CAPN15: variants seen among roughly 807,000 people sequenced by gnomAD.
CAPN15 encodes the protein calpain 15.
In CAPN15, 53 loss-of-function variants were observed where a neutral mutation model predicts 97.9. The observed-to-expected ratio is 0.54, with a 90% CI of 0.43 to 0.68. CAPN15 has a LOEUF of 0.68. CAPN15 is among the 30% of genes least tolerant of loss of function. The pLI, the probability that CAPN15 is intolerant of heterozygous loss-of-function variation, is 0.00. For missense variants in CAPN15, 1,592 were observed against 1,589.8 expected, an observed-to-expected ratio of 1.00 and a Z score of -0.02; for synonymous variants, 922 against 722.5, an observed-to-expected ratio of 1.28 and a Z score of -4.43.
intron 3 of CAPN15, among the ~76,000 whole-genome samples, chr16:543,907 G>A (rs1488441086): frequency 6.6e-6 from 1 of 152,200 alleles, no homozygotes; most frequent in African/African-American, 2.4e-5. Context: ...GTGGCCCCAT[G>A]ACCGCTCCCC....
rs1567155475 is a variant in CAPN15, at chr16:549,749, G to A, written c.1977G>A (p.Leu659=). Residue 659 remains leucine, a synonymous_variant, in exon 7 of 14, where the codon CTG becomes CTA. Transcript: ENST00000219611. ...TCACCGGCGCCCCCTGTGAGAGCCT[G>A]GCGCTGCAGCTCAGCTCCACTAACC... ...ATLTGAPCES[L]ALQLSSTNPR... 6.3e-6 allele frequency: 10 copies of A among 1,588,864 alleles called. No homozygotes were observed. Among genetic ancestry groups the A allele is most frequent in the Non-Finnish European group, 8.6e-6 (10 of 1,168,130 alleles).
intron 1 of CAPN15, chr16:528,643 C>T (rs1258675359): frequency 2.4e-6 from 2 of 834,208 alleles, no homozygotes; most frequent in African/African-American, 3.7e-5. Context: ...CGGGGGAACT[C>T]TTGTGTGGTC....
rs1337270856 is a variant in CAPN15, at chr16:553,493, C to T, written c.3238C>T (p.Leu1080=). The T allele has an allele frequency of 5.6e-6, 9 of 1,609,826 alleles. No homozygotes were observed. Among genetic ancestry groups the T allele is most frequent in the Non-Finnish European group, 7.6e-6 (9 of 1,178,456 alleles). ...CCCACTCACGCCAGAGGTCGCCGGT[C>T]TGCATGGGCCCCGACCGCTGTGACC... is the stretch of plus-strand genomic sequence containing the variant. The part of the protein sequence containing the change: ...SPPLTPEVAG[L]HGPRPL The change falls in exon 14 of 14, where the codon CTG becomes TTG. Residue 1080 remains leucine, a synonymous_variant. Coordinates refer to ENST00000219611, the MANE Select transcript of CAPN15 (RefSeq NM_005632.3).
At chr16:534,231 CA>C (rs1346510097) in intron 2 of CAPN15, among the ~76,000 whole-genome samples, 9 of 147,900 alleles carry the variant, frequency 6.1e-5, no homozygotes, top group African/African-American at 1.9e-4. Context: ...GGGGTCCCGA[CA>C]GGGGTGTTTG....
chr16:551,960 T>C (rs2035117302), intron 9 of CAPN15, 91 bp from the exon 10 acceptor site: 11 of 1,371,918 alleles, frequency 8.0e-6, no homozygotes, highest in Non-Finnish European at 1.0e-5. Flanking sequence ...TGGCACCTGC[T>C]GGGGTCACCG....
In CAPN15 at chr16:553,360, C is replaced by G; in HGVS notation, c.3105C>G (p.Ser1035=). The part of the protein sequence containing the change: ...PLHRQVLVIL[S]QLEGNAGFSI... ...CCAGGCAGGTCCTGGTGATCTTGTC[C>G]CAGCTAGAGGGCAACGCCGGCTTCT... Residue 1035 remains serine, a synonymous_variant, in exon 14 of 14, where the codon TCC becomes TCG. Transcript: ENST00000219611. The G allele has an allele frequency of 6.2e-7, 1 of 1,607,184 alleles. No homozygotes were observed. Among genetic ancestry groups the G allele is most frequent in the Admixed American group, 1.7e-5 (1 of 59,576 alleles).
At chr16:532,100 T>C (rs1172079932) in intron 1 of CAPN15, among the ~76,000 whole-genome samples, 2 of 147,316 alleles carry the variant, frequency 1.4e-5, no homozygotes, top group African/African-American at 2.5e-5. Context: ...ATTAGCTGGG[T>C]GTGGTGGTGT....
At chr16:532,189 G>A (rs1408018810) in intron 1 of CAPN15, among the ~76,000 whole-genome samples, 4 of 150,586 alleles carry the variant, frequency 2.7e-5, no homozygotes, top group Admixed American at 6.6e-5. Context: ...GCAGTTAGCC[G>A]GGATGGCACC....
At chr16:532,373 A>T (rs1178167705) in intron 1 of CAPN15, among the ~76,000 whole-genome samples, 1 of 142,516 alleles carries the variant, frequency 7.0e-6, no homozygotes, top group African/African-American at 2.6e-5. Context: ...GGCCAACGTG[A>T]CGAAACCCCC....
intron 1 of CAPN15, among the ~76,000 whole-genome samples, chr16:529,644 C>T (rs1364380213): frequency 6.6e-6 from 1 of 152,058 alleles, no homozygotes; most frequent in African/African-American, 2.4e-5. Flanking sequence ...GGCCGAGTTG[C>T]CCCTGGTCCA....
Position 554,418 on chromosome 16 carries a change from G to A in CAPN15, c.*902G>A. Reference sequence around the variant, plus strand: ...CCCACTCCCCCTCCTACCCCGGCAGGGGCTTCCGGGGCCTTTTCACCTGGA... The same window carrying A: ...CCCACTCCCCCTCCTACCCCGGCAGAGGCTTCCGGGGCCTTTTCACCTGGA... On this transcript the variant is annotated 3_prime_UTR_variant, in exon 14 of 14. Coordinates refer to ENST00000219611, the MANE Select transcript of CAPN15 (RefSeq NM_005632.3). The A allele has an allele frequency of 2.3e-6, 1 of 436,446 alleles. No homozygotes were observed. Among genetic ancestry groups the A allele is most frequent in the Non-Finnish European group, 4.6e-6 (1 of 216,498 alleles). 27.0% of individuals were successfully genotyped at this position (436,446 alleles called of 1,614,324 possible). A position where few individuals can be genotyped will look rare whatever the true frequency, so the allele number is the denominator to read the frequency against.
Position 550,756 on chromosome 16 carries a change from G to C in CAPN15, c.2067-546G>C, listed in dbSNP as rs1173357738. On this transcript the variant is annotated intron_variant, in intron 7 of 13. Transcript: ENST00000219611. ...CCCGTCGGTGAGGGTCCCGGTCGGT[G>C]AGGGTCCCCTGCCGGTGAGGGTCCC... is the stretch of plus-strand genomic sequence containing the variant. Among the ~76,000 whole-genome samples the C allele has an allele frequency of 6.0e-4, 81 of 135,776 alleles. 7 individuals carry two copies. The highest frequency in any genetic ancestry group is 2.3e-3 in the African/African-American group (78 of 34,508). 89.1% of individuals were successfully genotyped at this position (135,776 alleles called of 152,430 possible).
chr16:549,968 C>T (rs750807811), intron 7 of CAPN15, 130 bp downstream of exon 7: 26 of 732,512 alleles, frequency 3.5e-5, no homozygotes, highest in South Asian at 5.5e-5. Flanking sequence ...GGGCTGACCC[C>T]GCGTGGCCAG....
At position 549,615 on chromosome 16, in the gene CAPN15, G is replaced by T. The variant is rs1228386819; in HGVS notation, c.1843G>T (p.Ala615Ser). Residue 615 changes from alanine to serine, a missense_variant and splice_region_variant, in exon 7 of 14, where the codon GCG (alanine) becomes TCG (serine). Coordinates refer to ENST00000219611, the MANE Select transcript of CAPN15 (RefSeq NM_005632.3). ...TGGCCTCTGACCCGGCCCTCTGCAG[G>T]CGCAGCGGAAGCAGCTGTGGGTGGC... ...DEAGCLLFSQ[A>S]QRKQLWVALI... is the part of the protein sequence containing the mutation. 3.2e-5 allele frequency: 50 copies of T among 1,538,962 alleles called. No individual in the cohort carries two copies. Among genetic ancestry groups the T allele is most frequent in the Non-Finnish European group, 4.1e-5 (47 of 1,146,470 alleles).
rs549175319 is a variant in CAPN15, at chr16:548,689, G to A, written c.1450-304G>A. Among the ~76,000 whole-genome samples the A allele has an allele frequency of 2.0e-4, 31 of 152,350 alleles. 1 individual carries two copies. In the South Asian group the frequency reaches 5.8e-3, roughly 28 times the overall value. On this transcript the variant is annotated intron_variant, in intron 4 of 13. Coordinates refer to ENST00000219611, the MANE Select transcript of CAPN15 (RefSeq NM_005632.3). ...GCATCACCCACGGGTCAACTGGGGC[G>A]CAGCCTGCACCCTCCCCAGCAGGGC...
At chr16:531,970 TG>T (rs1207151678) in intron 1 of CAPN15, among the ~76,000 whole-genome samples, 3 of 152,214 alleles carry the variant, frequency 2.0e-5, no homozygotes, top group Non-Finnish European at 4.4e-5. Flanking sequence ...CTGGGTGCGG[TG>T]GCTGACACCT....
Position 547,172 on chromosome 16 carries a change from G to C in CAPN15, c.334G>C (p.Gly112Arg). ...GGAAGCAGGTCCAGTGAGGACTGCG[G>C]GGCTGGTGGCCACGGAGCCCGCCAG... ...QEEAGPVRTA[G>R]LVATEPARGQ... The change falls in exon 4 of 14, where the codon GGG becomes CGG. Residue 112 changes from glycine to arginine, a missense_variant. Transcript: ENST00000219611. 8 of 1,541,230 alleles carry C rather than the reference G, an allele frequency of 5.2e-6. No individual in the cohort carries two copies. Among genetic ancestry groups the C allele is most frequent in the Non-Finnish European group, 7.0e-6 (8 of 1,148,176 alleles).
chr16:543,852 C>G (rs2034333271), intron 3 of CAPN15, among the ~76,000 whole-genome samples: 1 of 152,206 alleles, frequency 6.6e-6, no homozygotes, highest in Non-Finnish European at 1.5e-5. Flanking sequence ...GCTCGCTGCC[C>G]TGGTGGCCGC....
At chr16:544,040 C>T (rs2034352227) in intron 3 of CAPN15, among the ~76,000 whole-genome samples, 1 of 152,170 alleles carries the variant, frequency 6.6e-6, no homozygotes, top group African/African-American at 2.4e-5. Context: ...GAGTGCCTGG[C>T]GCCCTCAATC....
Sources: gnomAD v4.1 joint callset for allele counts (sites outside exome capture counted in the v4.1 genomes callset) on GRCh38, gnomAD v4.1.1 for gene constraint, MANE v1.5 for transcripts, NCBI Gene and HGNC (gene_info 2026-07-23, HGNC 2026-07-21) for gene names.